DPP6: variants seen among roughly 807,000 people sequenced by gnomAD.
The protein encoded by DPP6 is dipeptidyl peptidase like 6.
In DPP6, 69 loss-of-function variants were observed where a neutral mutation model predicts 122.6. That is an observed-to-expected ratio of 0.56 (90% confidence interval 0.46 to 0.69). The LOEUF is 0.69. Among genes scored for constraint, DPP6 ranks in the 30% least tolerant of loss-of-function variants. The probability of loss-of-function intolerance (pLI) is 0.00; values close to 1 mark genes in which losing one functional copy is unlikely to be tolerated. For missense variants in DPP6, 928 were observed against 1,116.9 expected (o/e 0.83, Z 2.41); for synonymous variants, 418 against 433.1 (o/e 0.97, Z 0.43).
At chr7:154,571,824 C>G (rs1323345277) in intron 5 of DPP6, among the ~76,000 whole-genome samples, 4 of 152,140 alleles carry the variant, frequency 2.6e-5, no homozygotes, top group African/African-American at 7.2e-5. Flanking sequence ...AGTTACTTGC[C>G]ACTGCATAGC....
intron 3 of DPP6, among the ~76,000 whole-genome samples, chr7:154,507,155 T>C (rs1314813147): frequency 1.3e-5 from 2 of 152,174 alleles, no homozygotes; most frequent in Non-Finnish European, 2.9e-5. Flanking sequence ...GCACTTTAAG[T>C]TGAGTGATGG....
chr7:154,116,672 C>T (rs1807010668), intron 1 of DPP6, among the ~76,000 whole-genome samples: 1 of 152,186 alleles, frequency 6.6e-6, no homozygotes, highest in Non-Finnish European at 1.5e-5. Context: ...GTAGTTGTTT[C>T]TCCTTATGTC....
At chr7:154,191,770 G>A (rs1798628795) in intron 1 of DPP6, among the ~76,000 whole-genome samples, 1 of 152,202 alleles carries the variant, frequency 6.6e-6, no homozygotes, top group African/African-American at 2.4e-5. Context: ...AAGCATCAGG[G>A]AATCAGGAAA....
intron 1 of DPP6, among the ~76,000 whole-genome samples, chr7:154,330,672 A>G (rs1808847863): frequency 6.6e-6 from 1 of 152,236 alleles, no homozygotes; most frequent in Non-Finnish European, 1.5e-5. Context: ...CGCCAGAGGC[A>G]ACCGTGTACT....
chr7:153,801,815 C>G, the DPP6 span, among the ~76,000 whole-genome samples: 7 of 152,170 alleles, frequency 4.6e-5, no homozygotes, highest in Non-Finnish European at 1.5e-5. Flanking sequence ...AGCTCTTGTT[C>G]TCAGACTGGC....
At chr7:154,199,189 A>G (rs941634379) in intron 1 of DPP6, among the ~76,000 whole-genome samples, 1 of 152,066 alleles carries the variant, frequency 6.6e-6, no homozygotes, top group Non-Finnish European at 1.5e-5. Flanking sequence ...GCCCACCAAC[A>G]TTTGGAGAAG....
At chr7:153,752,693 A>G in the DPP6 span, among the ~76,000 whole-genome samples, 1 of 119,532 alleles carries the variant, frequency 8.4e-6, no homozygotes, top group African/African-American at 3.5e-5. Context: ...TCACACAAAT[A>G]GAGCTGGGCA....
Position 154,062,181 on chromosome 7 carries a change from A to G in DPP6, c.243+9118A>G, listed in dbSNP as rs1307990825. On this transcript the variant is annotated intron_variant, in intron 1 of 25. Coordinates refer to ENST00000377770, the MANE Select transcript of DPP6 (RefSeq NM_130797.4). ...GCTTAGGACCCACATCGTTGATCCT[A>G]AGATCCTTAGGACCCACCTGGAGGA... Among the ~76,000 whole-genome samples the G allele has an allele frequency of 1.3e-4, 13 of 101,260 alleles. 3 individuals carry two copies. Among genetic ancestry groups the G allele is most frequent in the African/African-American group, 3.6e-5 (1 of 28,112 alleles). 66.4% of individuals were successfully genotyped at this position (101,260 alleles called of 152,430 possible). A position where few individuals can be genotyped will look rare whatever the true frequency, so the allele number is the denominator to read the frequency against.
At chr7:154,625,943 G>A (rs184920823) in intron 5 of DPP6, among the ~76,000 whole-genome samples, 13 of 152,304 alleles carry the variant, frequency 8.5e-5, no homozygotes, top group African/African-American at 2.9e-4. Flanking sequence ...GCAGAATTAC[G>A]AATGAGTCAG....
At chr7:154,853,895 G>C in intron 17 of DPP6, 68 bp downstream of exon 17, 1 of 1,594,322 alleles carries the variant, frequency 6.3e-7, no homozygotes, top group Non-Finnish European at 8.5e-7. Flanking sequence ...CACTCTATGA[G>C]ATCAGCTGGC....
intron 17 of DPP6, among the ~76,000 whole-genome samples, chr7:154,856,785 C>G (rs1802870105): frequency 6.6e-6 from 1 of 152,210 alleles, no homozygotes; most frequent in African/African-American, 2.4e-5. Flanking sequence ...GTTGAGCTGT[C>G]ACTTTGGTGA....
intron 1 of DPP6, among the ~76,000 whole-genome samples, chr7:154,435,637 G>A (rs56408121): frequency 0.016 from 2,429 of 152,278 alleles, 26 homozygotes; most frequent in Non-Finnish European, 0.023. Flanking sequence ...GCTGCTAAAT[G>A]TTATTTAAAA....
At chr7:154,521,968 CT>C (rs112352021) in intron 3 of DPP6, among the ~76,000 whole-genome samples, 7 of 149,778 alleles carry the variant, frequency 4.7e-5, no homozygotes, top group South Asian at 2.1e-4. Flanking sequence ...CTTTCTAACT[CT>C]TTTTTTTTTC....
Position 154,727,839 on chromosome 7 carries a change from G to T in DPP6, c.835G>T (p.Gly279Cys), listed in dbSNP as rs1042698870. Reference sequence around the variant, plus strand: ...ACAGGCCATCCGTGTGGTCTCCACTGGCAAGGAAGGTGTGATTTACAATGG... The same window carrying T: ...ACAGGCCATCCGTGTGGTCTCCACTTGCAAGGAAGGTGTGATTTACAATGG... ...GKQAIRVVST[G>C]KEGVIYNGLS... Residue 279 changes from glycine (G) to cysteine (C), a missense_variant, in exon 8 of 26, where the codon GGC becomes TGC. Coordinates refer to ENST00000377770, the MANE Select transcript of DPP6 (RefSeq NM_130797.4). The T allele has an allele frequency of 5.6e-6, 9 of 1,613,762 alleles. No homozygotes were observed. The highest frequency in any genetic ancestry group is 1.3e-5 in the African/African-American group (1 of 74,918).
intron 1 of DPP6, among the ~76,000 whole-genome samples, chr7:154,405,388 T>A (rs1445293812): frequency 1.3e-5 from 2 of 152,234 alleles, no homozygotes; most frequent in Admixed American, 1.3e-4. Flanking sequence ...GGTGTTTTGC[T>A]TGTTTTTCCT....
chr7:154,532,282 A>C (rs544683164), intron 3 of DPP6, among the ~76,000 whole-genome samples: 1 of 152,254 alleles, frequency 6.6e-6, no homozygotes, highest in East Asian at 1.9e-4. Context: ...ATTGGAAATA[A>C]TTTGAACTGA....
intron 23 of DPP6, among the ~76,000 whole-genome samples, chr7:154,889,035 C>T (rs1400304187): frequency 1.3e-5 from 2 of 152,172 alleles, no homozygotes; most frequent in Non-Finnish European, 2.9e-5. Context: ...TCCCACAACT[C>T]GTGGGAATTA....
chr7:154,379,603 T>C (rs1813420927), intron 1 of DPP6, among the ~76,000 whole-genome samples: 2 of 152,138 alleles, frequency 1.3e-5, no homozygotes, highest in South Asian at 2.1e-4. Flanking sequence ...CTAATAAATA[T>C]AGAAAGCATT....
Position 154,637,881 on chromosome 7 carries a change from T to C in DPP6, c.680+8T>C, listed in dbSNP as rs1835828846. 1.9e-6 allele frequency: 3 copies of C among 1,566,458 alleles called. No homozygotes were observed. Among genetic ancestry groups the C allele is most frequent in the Non-Finnish European group, 1.7e-6 (2 of 1,153,790 alleles). ...GAGCAAAATTCCTCATGGGTAAGAG[T>C]GTTCTTTTCTTTCTTTTAATTAGAA... On this transcript the variant is annotated splice_region_variant and intron_variant, in intron 6 of 25. Transcript: ENST00000377770.
Sources: gnomAD v4.1 joint callset for allele counts (sites outside exome capture counted in the v4.1 genomes callset) on GRCh38, gnomAD v4.1.1 for gene constraint, MANE v1.5 for transcripts, NCBI Gene and HGNC (gene_info 2026-07-23, HGNC 2026-07-21) for gene names.